The following DNER variants were observed in gnomAD, a reference collection of about 807,000 sequenced individuals.
DNER encodes the protein delta/notch like EGF repeat containing, also known as delta and Notch-like epidermal growth factor-related receptor.
Under a neutral mutation model 78.2 loss-of-function variants are expected in DNER, and 33 were observed. The ratio of observed to expected loss-of-function variants is 0.42; its 90% CI spans 0.32 to 0.56. DNER has a LOEUF of 0.56. DNER is among the 20% of genes least tolerant of loss of function. The pLI, the probability that DNER is intolerant of heterozygous loss-of-function variation, is 0.11. For synonymous variants in DNER, 417 were observed against 384.8 expected (o/e 1.08, Z -0.98); for missense variants, 918 against 975.3 (o/e 0.94, Z 0.78).
intron 4 of DNER, among the ~76,000 whole-genome samples, chr2:229,569,100 T>C (rs1697168041): frequency 1.3e-5 from 2 of 152,226 alleles, no homozygotes; most frequent in African/African-American, 4.8e-5. Context: ...TGCCTATGGA[T>C]GGATGCGTAT....
rs1243901837 is a variant in DNER, at chr2:229,714,159, C to T, written c.265G>A (p.Ala89Thr). The change falls in exon 1 of 13, where the codon GCC becomes ACC. Residue 89 changes from alanine to threonine, a missense_variant. Ala to Thr is a moderately conservative substitution (Grantham distance 58, BLOSUM62 0). Transcript: ENST00000341772. The stretch of plus-strand genomic sequence containing the variant: ...CCGCTTCCACTCACCTGGCAGTTGG[C>T]GCCGGAGATCCCGGCGGGGCAGGTG... Reference protein sequence around the residue: ...SCTCPAGISGANCQLVADPCA... With the variant: ...SCTCPAGISGTNCQLVADPCA... 7.6e-7 allele frequency: 1 copy of T among 1,320,444 alleles called. No homozygotes were observed. The highest frequency in any genetic ancestry group is 9.6e-7 in the Non-Finnish European group (1 of 1,038,298). 81.8% of individuals were successfully genotyped at this position (1,320,444 alleles called of 1,614,324 possible). A position where few individuals can be genotyped will look rare whatever the true frequency, so the allele number is the denominator to read the frequency against.
chr2:229,358,968 T>C (rs550056861), intron 12 of DNER, among the ~76,000 whole-genome samples: 13 of 152,334 alleles, frequency 8.5e-5, no homozygotes, highest in African/African-American at 2.9e-4. Context: ...GATTTGTCTT[T>C]TTCTTCTGAG....
chr2:229,513,642 C>T (rs760238277), intron 5 of DNER, among the ~76,000 whole-genome samples: 14 of 152,182 alleles, frequency 9.2e-5, no homozygotes, highest in East Asian at 3.9e-4. Context: ...CCTAGGGGTA[C>T]GGGCATGTCT....
intron 7 of DNER, among the ~76,000 whole-genome samples, chr2:229,456,456 T>C (rs1559356566): frequency 6.6e-6 from 1 of 151,572 alleles, no homozygotes; most frequent in Non-Finnish European, 1.5e-5. Flanking sequence ...GGGCAGGTGC[T>C]CCAGGGTCTG....
At chr2:229,687,418 C>T (rs549015695) in intron 1 of DNER, among the ~76,000 whole-genome samples, 2 of 152,070 alleles carry the variant, frequency 1.3e-5, no homozygotes, top group South Asian at 4.2e-4. Flanking sequence ...CGTCTACCAC[C>T]ACACCCAGCT....
intron 1 of DNER, among the ~76,000 whole-genome samples, chr2:229,592,450 G>A (rs10171278): frequency 0.99 from 150,469 of 152,322 alleles, 74,351 homozygotes; most frequent in East Asian, 1. Context: ...AGTTTGCATG[G>A]CAGTTGCTAG....
At chr2:229,600,806 A>AT (rs1212455742) in intron 1 of DNER, among the ~76,000 whole-genome samples, 2 of 152,222 alleles carry the variant, frequency 1.3e-5, no homozygotes, top group African/African-American at 2.4e-5. Flanking sequence ...CCAAGGCTAA[A>AT]TATAGAACTA....
Position 229,366,978 on chromosome 2 carries a change from C to G in DNER, c.1997G>C (p.Arg666Pro). Reference sequence around the variant, plus strand: ...CCTGGAAGAACCCTGGTATTCAATGCGGCTGATGCGGCAAATCCCCACGAT... The same window carrying G: ...CCTGGAAGAACCCTGGTATTCAATGGGGCTGATGCGGCAAATCCCCACGAT... ...ILIVGICRISRIEYQGSSRPA... is the reference protein window; with the variant it reads ...ILIVGICRISPIEYQGSSRPA... Residue 666 changes from arginine (R) to proline (P), a missense_variant, in exon 12 of 13, where the codon CGC (arginine) becomes CCC (proline). Physicochemically the swap from Arg to Pro is moderately radical, Grantham distance 103. Coordinates refer to ENST00000341772, the MANE Select transcript of DNER (RefSeq NM_139072.4). The G allele has an allele frequency of 6.2e-7, 1 of 1,614,076 alleles. No individual in the cohort carries two copies. The highest frequency in any genetic ancestry group is 8.5e-7 in the Non-Finnish European group (1 of 1,180,006).
intron 2 of DNER, among the ~76,000 whole-genome samples, chr2:229,589,506 C>T (rs1697562230): frequency 6.6e-6 from 1 of 152,174 alleles, no homozygotes; most frequent in African/African-American, 2.4e-5. Flanking sequence ...AATAATATGC[C>T]TCCTGGTTTC....
chr2:229,702,750 T>C (rs922286912), intron 1 of DNER, among the ~76,000 whole-genome samples: 2 of 150,634 alleles, frequency 1.3e-5, no homozygotes, highest in Non-Finnish European at 3.0e-5. Context: ...ACCCCATCTC[T>C]ATTAAAAACA....
intron 4 of DNER, among the ~76,000 whole-genome samples, chr2:229,550,498 C>T (rs1462760891): frequency 6.6e-6 from 1 of 151,832 alleles, no homozygotes; most frequent in Admixed American, 6.6e-5. Flanking sequence ...TTAAGTTGGC[C>T]GGGCGCAGTG....
At chr2:229,605,911 A>T (rs115220800) in intron 1 of DNER, among the ~76,000 whole-genome samples, 150 of 152,266 alleles carry the variant, frequency 9.9e-4, no homozygotes, top group African/African-American at 3.5e-3. Flanking sequence ...GATCATAGAC[A>T]CGTGACTTAC....
chr2:229,376,814 T>A (rs1240807604), intron 11 of DNER, among the ~76,000 whole-genome samples: 1 of 152,170 alleles, frequency 6.6e-6, no homozygotes, highest in Non-Finnish European at 1.5e-5. Flanking sequence ...GAGGTGGGGA[T>A]CTGGATAAGG....
At chr2:229,658,983 T>C (rs985786599) in intron 1 of DNER, among the ~76,000 whole-genome samples, 3 of 152,188 alleles carry the variant, frequency 2.0e-5, no homozygotes, top group Non-Finnish European at 4.4e-5. Flanking sequence ...TTTTAACGTA[T>C]CACGTCTCTA....
intron 4 of DNER, among the ~76,000 whole-genome samples, chr2:229,584,723 G>A (rs1697467308): frequency 6.6e-6 from 1 of 151,992 alleles, no homozygotes; most frequent in Non-Finnish European, 1.5e-5. Context: ...GAGGTCAGGA[G>A]ATCAAGACCA....
intron 5 of DNER, among the ~76,000 whole-genome samples, chr2:229,540,536 A>G (rs776251650): frequency 6.6e-6 from 1 of 152,212 alleles, no homozygotes; most frequent in Non-Finnish European, 1.5e-5. Flanking sequence ...ACTTGGCCAC[A>G]TGGGCTATAG....
At chr2:229,443,097 T>TA (rs57966109) in intron 8 of DNER, among the ~76,000 whole-genome samples, 2 of 151,922 alleles carry the variant, frequency 1.3e-5, no homozygotes, top group Non-Finnish European at 2.9e-5. Flanking sequence ...TCTTGCTTGT[T>TA]AAAAAAAATT....
In DNER at chr2:229,358,030, C is replaced by A. The variant is rs1232514377; in HGVS notation, c.*510G>T. ...CAGAAATAAGTTACTTACCCATGCA[C>A]AGAATAAGGCAAAGGCTAATTTCAT... On this transcript the variant is annotated 3_prime_UTR_variant, in exon 13 of 13. Transcript: ENST00000341772. The A allele has an allele frequency of 6.6e-6, 1 of 152,634 alleles. No homozygotes were observed. Among genetic ancestry groups the A allele is most frequent in the Non-Finnish European group, 1.5e-5 (1 of 68,056 alleles). 9.5% of individuals were successfully genotyped at this position (152,634 alleles called of 1,614,324 possible).
chr2:229,445,031 T>A (rs1050960229), intron 8 of DNER, among the ~76,000 whole-genome samples: 3 of 152,024 alleles, frequency 2.0e-5, no homozygotes, highest in Non-Finnish European at 4.4e-5. Context: ...ATTAAGGAAG[T>A]TTTTGTTCAG....
Sources: gnomAD v4.1 joint callset for allele counts (sites outside exome capture counted in the v4.1 genomes callset) on GRCh38, gnomAD v4.1.1 for gene constraint, MANE v1.5 for transcripts, NCBI Gene and HGNC (gene_info 2026-07-23, HGNC 2026-07-21) for gene names.